NUP160: variants seen among roughly 807,000 people sequenced by gnomAD.
NUP160 encodes nuclear pore complex protein Nup160.
A neutral mutation model predicts 196.9 loss-of-function variants in NUP160; 94 were observed. That is an observed-to-expected ratio of 0.48 (90% confidence interval 0.40 to 0.57). NUP160 has a LOEUF of 0.57. Among genes scored for constraint, NUP160 ranks in the 20% least tolerant of loss-of-function variants. NUP160 has a pLI of 0.00. For synonymous variants in NUP160, 605 were observed against 619.7 expected (o/e 0.98, Z 0.35); for missense variants, 1,638 against 1,748.3 (o/e 0.94, Z 1.13).
At chr11:47,793,150 G>C (rs1379219215) in intron 27 of NUP160, among the ~76,000 whole-genome samples, 1 of 151,918 alleles carries the variant, frequency 6.6e-6, no homozygotes, top group African/African-American at 2.4e-5. Flanking sequence ...ACCACGCCCG[G>C]CTAATTTTTG....
chr11:47,799,853 C>A (rs759161095), intron 23 of NUP160, among the ~76,000 whole-genome samples: 2 of 152,120 alleles, frequency 1.3e-5, no homozygotes, highest in South Asian at 4.1e-4. Flanking sequence ...CTATAATGGA[C>A]CTGGAAAATT....
chr11:47,809,619 G>A (rs925893365), intron 17 of NUP160, among the ~76,000 whole-genome samples: 3 of 150,360 alleles, frequency 2.0e-5, no homozygotes, highest in Non-Finnish European at 4.4e-5. Flanking sequence ...GTAGTGGTGC[G>A]CATCTGTAAT....
At chr11:47,822,704 T>C (rs955811383) in intron 7 of NUP160, among the ~76,000 whole-genome samples, 2 of 152,122 alleles carry the variant, frequency 1.3e-5, no homozygotes, top group African/African-American at 2.4e-5. Context: ...TATCTCCTAA[T>C]GTTATCCCTC....
intron 1 of NUP160, 46 bp from the exon 2 acceptor site, chr11:47,848,005 T>A: frequency 6.8e-7 from 1 of 1,470,826 alleles, no homozygotes; most frequent in Non-Finnish European, 9.5e-7. Context: ...TTCTGAGAAA[T>A]GACAGGGACT....
intron 23 of NUP160, among the ~76,000 whole-genome samples, chr11:47,798,957 A>C (rs941699435): frequency 9.9e-5 from 15 of 152,014 alleles, no homozygotes; most frequent in Non-Finnish European, 1.8e-4. Context: ...AAAAAAAAAA[A>C]AGCAAGCTTG....
chr11:47,819,219 A>C (rs1851802562), intron 10 of NUP160, among the ~76,000 whole-genome samples, 155 bp downstream of exon 10: 1 of 152,016 alleles, frequency 6.6e-6, no homozygotes, highest in Non-Finnish European at 1.5e-5. Context: ...AGGCTGAGGC[A>C]AGAGAATTGC....
At chr11:47,800,877 G>A (rs1250350722) in intron 23 of NUP160, among the ~76,000 whole-genome samples, 3 of 152,138 alleles carry the variant, frequency 2.0e-5, no homozygotes, top group African/African-American at 4.8e-5. Context: ...ACAACAGGAT[G>A]AATAAAAAAG....
chr11:47,784,170 T>C (rs2097663198), intron 33 of NUP160, among the ~76,000 whole-genome samples: 1 of 152,210 alleles, frequency 6.6e-6, no homozygotes, highest in Non-Finnish European at 1.5e-5. Flanking sequence ...CAAAATCAAA[T>C]TAGGAGCTTC....
Position 47,806,790 on chromosome 11 carries a change from T to TAC in NUP160, c.2446+278_2446+279dup, listed in dbSNP as rs57141346. On this transcript the variant is annotated intron_variant, in intron 19 of 35. Transcript: ENST00000378460. ...TCAAAACAGAATGGGAAAGCAGCTATACACACACACACACACACACACACA... is the reference window on the plus strand; with the variant it reads ...TCAAAACAGAATGGGAAAGCAGCTATACACACACACACACACACACACACACA... Among the ~76,000 whole-genome samples, 478 of 111,842 alleles carry TAC rather than the reference T, an allele frequency of 4.3e-3. 7 individuals are homozygous for TAC. The highest frequency in any genetic ancestry group is 0.015 in the African/African-American group (424 of 28,272). 73.4% of individuals were successfully genotyped at this position (111,842 alleles called of 152,430 possible).
At chr11:47,780,425 G>A in exon 35 of NUP160, 1 of 1,613,324 alleles carries the variant, frequency 6.2e-7, no homozygotes, top group Non-Finnish European at 8.5e-7. Context: ...CCACACCATT[G>A]GGGCTGTTGC....
chr11:47,832,249 A>G, intron 7 of NUP160, among the ~76,000 whole-genome samples: 1 of 152,104 alleles, frequency 6.6e-6, no homozygotes, highest in East Asian at 1.9e-4. Context: ...GTCATTCCTG[A>G]GCATGGGCAA....
At chr11:47,833,640 T>C (rs1227454665) in intron 7 of NUP160, among the ~76,000 whole-genome samples, 3 of 152,106 alleles carry the variant, frequency 2.0e-5, no homozygotes, top group Non-Finnish European at 4.4e-5. Context: ...AATGATAATA[T>C]CATCAATGAT....
At chr11:47,822,542 C>T (rs1378644587) in intron 7 of NUP160, among the ~76,000 whole-genome samples, 1 of 151,922 alleles carries the variant, frequency 6.6e-6, no homozygotes, top group Non-Finnish European at 1.5e-5. Flanking sequence ...AGGCGTGAGC[C>T]ACTGCACCCG....
intron 7 of NUP160, among the ~76,000 whole-genome samples, chr11:47,826,320 A>G (rs893485058): frequency 3.9e-5 from 6 of 152,202 alleles, no homozygotes; most frequent in Admixed American, 2.0e-4. Flanking sequence ...CTATAAGTTC[A>G]CTATAATCTG....
intron 34 of NUP160, among the ~76,000 whole-genome samples, chr11:47,782,388 T>G (rs2097661938): frequency 7.1e-6 from 1 of 140,096 alleles, no homozygotes. Context: ...CAACTTATGG[T>G]GGGTTTGTTT....
intron 2 of NUP160, among the ~76,000 whole-genome samples, chr11:47,842,267 T>A (rs1852320001): frequency 6.6e-6 from 1 of 152,086 alleles, no homozygotes; most frequent in African/African-American, 2.4e-5. Flanking sequence ...GTACACTTTC[T>A]CCCAAGGCAC....
intron 18 of NUP160, among the ~76,000 whole-genome samples, chr11:47,807,797 A>G (rs924316929): frequency 6.6e-6 from 1 of 152,176 alleles, no homozygotes; most frequent in African/African-American, 2.4e-5. Context: ...TTTATATTCA[A>G]CATAATTTAT....
chr11:47,792,927 C>T, exon 28 of NUP160: 1 of 1,613,446 alleles, frequency 6.2e-7, no homozygotes, highest in Non-Finnish European at 8.5e-7. Flanking sequence ...GCATTCCATA[C>T]TCAAACATCA....
intron 31 of NUP160, 57 bp downstream of exon 31, chr11:47,788,125 C>A (rs1599305953): frequency 7.6e-6 from 11 of 1,450,440 alleles, no homozygotes; most frequent in Non-Finnish European, 9.5e-6. Flanking sequence ...TCACACTGAG[C>A]AAGAGGATAA....
Sources: gnomAD v4.1 joint callset for allele counts (sites outside exome capture counted in the v4.1 genomes callset) on GRCh38, gnomAD v4.1.1 for gene constraint, MANE v1.5 for transcripts, NCBI Gene and HGNC (gene_info 2026-07-23, HGNC 2026-07-21) for gene names.